Variants in FAT3 observed in about 807,000 individuals in gnomAD.
FAT3 encodes the protein protocadherin Fat 3.
Under a neutral mutation model 310.2 loss-of-function variants are expected in FAT3, and 95 were observed. That is an observed-to-expected ratio of 0.31 (90% confidence interval 0.26 to 0.36). The LOEUF (loss-of-function observed/expected upper bound fraction) is 0.36. FAT3 is among the 10% of genes least tolerant of loss of function. FAT3 has a pLI of 1.00. For synonymous variants in FAT3, 2,314 were observed against 2,192.9 expected, an observed-to-expected ratio of 1.06 and a Z score of -1.54; for missense variants, 5,408 against 5,715.6, an observed-to-expected ratio of 0.95 and a Z score of 1.74.
chr11:92,378,356 T>C (rs1266126523), intron 2 of FAT3, among the ~76,000 whole-genome samples: 2 of 152,198 alleles, frequency 1.3e-5, no homozygotes, highest in African/African-American at 4.8e-5. Flanking sequence ...GACTTTATCA[T>C]CGAGATAGTT....
chr11:92,809,937 G>T lies in FAT3; in HGVS notation c.9342G>T (p.Gln3114His), dbSNP rs760161972. The change falls in exon 13 of 28, where the codon CAG (glutamine) becomes CAT (histidine). Residue 3114 changes from glutamine (Q) to histidine (H), a missense_variant. This residue lies in a region of FAT3 where 4,588 missense variants were observed against 4,809.8 expected (regional missense o/e 0.95). Coordinates refer to ENST00000525166, the MANE Select transcript of FAT3 (RefSeq NM_001367949.2). ...KATDGGGRFC[Q>H]SNIHLILEDV... ...CTGACGGGGGTGGCAGGTTCTGCCA[G>T]TCCAACATCCACCTAATCCTGGAGG... 3.7e-6 allele frequency: 6 copies of T among 1,613,938 alleles called. No homozygotes were observed. The highest frequency in any genetic ancestry group is 3.3e-4 in the Middle Eastern group (2 of 6,062).
At chr11:92,797,024 C>T (rs902764082) in intron 9 of FAT3, among the ~76,000 whole-genome samples, 2 of 152,168 alleles carry the variant, frequency 1.3e-5, no homozygotes, top group Non-Finnish European at 2.9e-5. Flanking sequence ...TTTCTTGGTA[C>T]ACTAGAAACA....
intron 1 of FAT3, among the ~76,000 whole-genome samples, chr11:92,343,326 T>G (rs868741806): frequency 6.6e-6 from 1 of 152,132 alleles, no homozygotes; most frequent in Non-Finnish European, 1.5e-5. Flanking sequence ...GTTAGGGATT[T>G]TTTTTTCCCT....
At chr11:92,556,141 C>G (rs1306646761) in intron 3 of FAT3, among the ~76,000 whole-genome samples, 1 of 152,198 alleles carries the variant, frequency 6.6e-6, no homozygotes, top group Non-Finnish European at 1.5e-5. Context: ...ACTCAGTTTA[C>G]TGTAGAGGGC....
intron 2 of FAT3, among the ~76,000 whole-genome samples, chr11:92,506,531 C>T (rs917951616): frequency 1.3e-5 from 2 of 152,138 alleles, no homozygotes; most frequent in African/African-American, 4.8e-5. Flanking sequence ...GCCATTCACA[C>T]AATTTTTAAA....
chr11:92,526,226 C>T (rs573900029), intron 3 of FAT3, among the ~76,000 whole-genome samples: 1 of 152,166 alleles, frequency 6.6e-6, no homozygotes, highest in Admixed American at 6.5e-5. Context: ...TCCTGGGAAG[C>T]CCTCCTGATT....
intron 14 of FAT3, among the ~76,000 whole-genome samples, chr11:92,832,728 T>G (rs1389802585): frequency 6.6e-6 from 1 of 152,214 alleles, no homozygotes; most frequent in Non-Finnish European, 1.5e-5. Flanking sequence ...TTAAGTCATA[T>G]GTGCACATGT....
intron 2 of FAT3, among the ~76,000 whole-genome samples, chr11:92,495,089 C>T (rs1288948954): frequency 6.6e-6 from 1 of 151,924 alleles, no homozygotes; most frequent in Non-Finnish European, 1.5e-5. Context: ...TAGTCCATAA[C>T]CTTCTCAAGC....
intron 22 of FAT3, among the ~76,000 whole-genome samples, chr11:92,870,830 G>A (rs1325292561): frequency 6.6e-6 from 1 of 152,188 alleles, no homozygotes; most frequent in Admixed American, 6.5e-5. Context: ...CTCTTACTAT[G>A]TGCTTGGTAC....
At chr11:92,837,141 T>G (rs1948428534) in intron 16 of FAT3, among the ~76,000 whole-genome samples, 1 of 152,194 alleles carries the variant, frequency 6.6e-6, no homozygotes, top group Non-Finnish European at 1.5e-5. Context: ...AAACATTGTC[T>G]TTCTTGACCA....
chr11:92,261,660 T>C (rs1442391234), intron 1 of FAT3, among the ~76,000 whole-genome samples: 1 of 152,106 alleles, frequency 6.6e-6, no homozygotes, highest in Non-Finnish European at 1.5e-5. Flanking sequence ...CTAAGGGCCT[T>C]GTAGCTTCCA....
chr11:92,371,352 A>G (rs1949182001), intron 2 of FAT3, among the ~76,000 whole-genome samples: 1 of 151,032 alleles, frequency 6.6e-6, no homozygotes, highest in African/African-American at 2.5e-5. Context: ...GTAGGTCAGA[A>G]CTAGAATCTG....
chr11:92,284,743 G>A (rs1486788648), intron 1 of FAT3, among the ~76,000 whole-genome samples: 2 of 152,142 alleles, frequency 1.3e-5, no homozygotes, highest in African/African-American at 4.8e-5. Flanking sequence ...TTCCAACAGA[G>A]TACCTCACAT....
chr11:92,553,538 T>C (rs1954892421), intron 3 of FAT3, among the ~76,000 whole-genome samples: 1 of 152,240 alleles, frequency 6.6e-6, no homozygotes, highest in South Asian at 2.1e-4. Context: ...AGGCTGGTAG[T>C]ACACATTAAA....
intron 3 of FAT3, among the ~76,000 whole-genome samples, chr11:92,623,202 G>C (rs368501237): frequency 1.3e-5 from 2 of 151,944 alleles, no homozygotes; most frequent in South Asian, 4.1e-4. Flanking sequence ...TGCTACATTA[G>C]TCAAATCTGA....
chr11:92,771,906 G>A (rs1466433934), intron 6 of FAT3, among the ~76,000 whole-genome samples: 1 of 152,030 alleles, frequency 6.6e-6, no homozygotes, highest in Non-Finnish European at 1.5e-5. Context: ...CAGGGCCCTG[G>A]GGAAAATGTG....
At chr11:92,575,366 C>T (rs887585436) in intron 3 of FAT3, among the ~76,000 whole-genome samples, 11 of 152,122 alleles carry the variant, frequency 7.2e-5, no homozygotes, top group Admixed American at 2.6e-4. Flanking sequence ...AATGATTTCC[C>T]AGAAACCACA....
At chr11:92,315,709 A>G (rs1317142402) in intron 1 of FAT3, among the ~76,000 whole-genome samples, 1 of 151,524 alleles carries the variant, frequency 6.6e-6, no homozygotes, top group African/African-American at 2.4e-5. Context: ...TTTCATAGAG[A>G]CAGGGTTTCT....
intron 1 of FAT3, among the ~76,000 whole-genome samples, chr11:92,334,495 C>T (rs921858249): frequency 6.6e-6 from 1 of 151,832 alleles, no homozygotes; most frequent in African/African-American, 2.4e-5. Context: ...ACAGGTTCCA[C>T]TTCTATCAGG....
Sources: allele counts gnomAD v4.1 joint callset (sites outside exome capture counted in the v4.1 genomes callset), GRCh38; gene constraint gnomAD v4.1.1; regional missense constraint gnomAD v4.1.1; transcripts MANE v1.5; gene names NCBI Gene and HGNC (gene_info 2026-07-23, HGNC 2026-07-21).